Variants in GLG1 observed in about 807,000 individuals in gnomAD.
GLG1 encodes Golgi apparatus protein 1.
In GLG1, 38 loss-of-function variants were observed where a neutral mutation model predicts 160.5. The ratio of observed to expected loss-of-function variants is 0.24; its 90% confidence interval spans 0.18 to 0.31. The LOEUF (loss-of-function observed/expected upper bound fraction) is 0.31. Ranked by LOEUF, GLG1 falls within the 10% of genes least tolerant of loss-of-function variation. The pLI is 1.00. For missense variants in GLG1, 1,373 were observed against 1,505.2 expected, an observed-to-expected ratio of 0.91 and a Z score of 1.45; for synonymous variants, 644 against 543.4, an observed-to-expected ratio of 1.19 and a Z score of -2.57.
chr16:74,493,349 G>T (rs1268614106), intron 6 of GLG1, among the ~76,000 whole-genome samples: 16 of 152,234 alleles, frequency 1.1e-4, no homozygotes, highest in Non-Finnish European at 2.4e-4. Flanking sequence ...GGGGAACCTA[G>T]AAATTCTGTA....
intron 2 of GLG1, among the ~76,000 whole-genome samples, chr16:74,523,451 A>C (rs922058474): frequency 9.9e-5 from 15 of 152,228 alleles, no homozygotes; most frequent in African/African-American, 2.2e-4. Context: ...TTTCCACATA[A>C]ATTTTAAAAT....
Position 74,491,266 on chromosome 16 carries a change from G to A in GLG1, c.1235-51C>T, listed in dbSNP as rs777537515. ...TTACGAAGGGTGATGCTATGTATTA[G>A]CATCAGAAATCACCACCTATTAAAA... On this transcript the variant is annotated intron_variant, in intron 7 of 25. Transcript: ENST00000422840. The A allele has an allele frequency of 3.9e-6, 5 of 1,266,174 alleles. No homozygotes were observed. In the African/African-American group the frequency reaches 5.9e-5, roughly 15 times the overall value. The allele number at this position is 1,266,174 out of a possible 1,614,324, so 78.4% of individuals were successfully genotyped here. A position where few individuals can be genotyped will look rare whatever the true frequency, so the allele number is the denominator to read the frequency against.
Position 74,451,979 on chromosome 16 carries a change from G to A in GLG1, c.*1188C>T. 1 of 1,062,572 alleles carries A rather than the reference G, an allele frequency of 9.4e-7. No homozygotes were observed. The highest frequency in any genetic ancestry group is 1.5e-6 in the Non-Finnish European group (1 of 680,430). 65.8% of individuals were successfully genotyped at this position (1,062,572 alleles called of 1,614,324 possible). ...GAGCAAATCCTCCATCTTTTAATGT[G>A]ATAACTTTCCACACCCTCTCCACGT... On this transcript the variant is annotated 3_prime_UTR_variant, in exon 26 of 26. Transcript: ENST00000422840.
At chr16:74,542,716 GGGAAGGAAGGAAGGAAGGGA>G (rs1351669658) in intron 1 of GLG1, among the ~76,000 whole-genome samples, 499 of 29,786 alleles carry the variant, frequency 0.017, 53 homozygotes, top group African/African-American at 0.061. Context: ...AAGGGAAGAA[GGGAAGGAAGGAAGGAAGGGA>G]GGAAGGAAGG....
At chr16:74,468,594 T>C in intron 17 of GLG1, 1 of 222,956 alleles carries the variant, frequency 4.5e-6, no homozygotes, top group Admixed American at 4.9e-5. Context: ...TTTGAACTCC[T>C]GACCTCAAGC....
At chr16:74,544,245 T>A (rs1482988871) in intron 1 of GLG1, among the ~76,000 whole-genome samples, 1 of 152,248 alleles carries the variant, frequency 6.6e-6, no homozygotes, top group Non-Finnish European at 1.5e-5. Context: ...GAAAGAGATC[T>A]GGGAACAAAT....
chr16:74,514,986 G>A (rs2016934624), intron 2 of GLG1, among the ~76,000 whole-genome samples: 1 of 151,854 alleles, frequency 6.6e-6, no homozygotes, highest in Non-Finnish European at 1.5e-5. Context: ...AAAAAGCAGG[G>A]GTTGCAATCC....
chr16:74,515,325 C>A (rs1274118176), intron 2 of GLG1, among the ~76,000 whole-genome samples: 1 of 152,146 alleles, frequency 6.6e-6, no homozygotes, highest in African/African-American at 2.4e-5. Flanking sequence ...CTCTCCACCC[C>A]AAATCAACAG....
chr16:74,472,048 G>A (rs2015226343), intron 14 of GLG1, among the ~76,000 whole-genome samples: 1 of 152,078 alleles, frequency 6.6e-6, no homozygotes, highest in Non-Finnish European at 1.5e-5. Context: ...GGAACTACAG[G>A]TGTGTACCAC....
At chr16:74,501,744 T>C (rs1277133027) in intron 4 of GLG1, among the ~76,000 whole-genome samples, 1 of 152,232 alleles carries the variant, frequency 6.6e-6, no homozygotes, top group African/African-American at 2.4e-5. Context: ...GGTTTGGAAT[T>C]GGATATAATT....
intron 3 of GLG1, among the ~76,000 whole-genome samples, chr16:74,505,630 G>A (rs1377920166): frequency 6.6e-6 from 1 of 152,162 alleles, no homozygotes; most frequent in Non-Finnish European, 1.5e-5. Context: ...TGAGGCAGGT[G>A]GACTGCCGGA....
intron 10 of GLG1, among the ~76,000 whole-genome samples, chr16:74,481,140 TG>T (rs1174189655): frequency 6.6e-6 from 1 of 152,232 alleles, no homozygotes; most frequent in African/African-American, 2.4e-5. Context: ...TCCTATGTAA[TG>T]TATTAGATTC....
chr16:74,543,862 C>A (rs937306993), intron 1 of GLG1, among the ~76,000 whole-genome samples: 2 of 152,072 alleles, frequency 1.3e-5, no homozygotes, highest in Non-Finnish European at 2.9e-5. Flanking sequence ...ACCACACGAC[C>A]TGAACAAATT....
chr16:74,568,134 C>T (rs914062636), intron 1 of GLG1, among the ~76,000 whole-genome samples: 3 of 151,648 alleles, frequency 2.0e-5, no homozygotes, highest in African/African-American at 7.2e-5. Context: ...CACCTTGCCA[C>T]AACGTGGAGA....
At chr16:74,473,526 G>A (rs867886462) in intron 13 of GLG1, among the ~76,000 whole-genome samples, 3 of 139,278 alleles carry the variant, frequency 2.2e-5, no homozygotes, top group African/African-American at 5.4e-5. Flanking sequence ...TGGAAGCTCC[G>A]CCTCCCGGGT....
intron 12 of GLG1, among the ~76,000 whole-genome samples, chr16:74,475,185 C>A (rs893134844): frequency 2.1e-5 from 3 of 142,974 alleles, no homozygotes; most frequent in African/African-American, 7.8e-5. Flanking sequence ...AAAAAAAGAG[C>A]TGTGCAAATC....
At position 74,452,879 on chromosome 16, in the gene GLG1, G is replaced by A. The variant is rs564551296; in HGVS notation, c.*288C>T. 13 of 1,107,580 alleles carry A rather than the reference G, an allele frequency of 1.2e-5. No individual in the cohort carries two copies. Among genetic ancestry groups the A allele is most frequent in the East Asian group, 1.0e-4 (2 of 19,478 alleles). The allele number at this position is 1,107,580 out of a possible 1,614,324, so 68.6% of individuals were successfully genotyped here. A position where few individuals can be genotyped will look rare whatever the true frequency, so the allele number is the denominator to read the frequency against. ...CAGGTGAGTTGGTTCTGGAAGTACC[G>A]GAAGTTCTGTTGGTATGAGAGAGAC... is the stretch of plus-strand genomic sequence containing the variant. On this transcript the variant is annotated 3_prime_UTR_variant, in exon 26 of 26. Transcript: ENST00000422840.
rs2014202732 is a variant in GLG1, at chr16:74,449,518, A to G, written c.*3649T>C. 1 of 152,218 alleles carries G rather than the reference A, an allele frequency of 6.6e-6. No homozygotes were observed. Among genetic ancestry groups the G allele is most frequent in the African/African-American group, 2.4e-5 (1 of 41,462 alleles). The allele number at this position is 152,218 out of a possible 1,614,324, so 9.4% of individuals were successfully genotyped here. A position where few individuals can be genotyped will look rare whatever the true frequency, so the allele number is the denominator to read the frequency against. On this transcript the variant is annotated 3_prime_UTR_variant, in exon 26 of 26. Coordinates refer to ENST00000422840, the MANE Select transcript of GLG1 (RefSeq NM_001145667.2). ...ATTCTTCTGTTAGTTGATCTCAGGAAACAGAAACAAATGAAATCTGACAGT... is the reference window on the plus strand; with the variant it reads ...ATTCTTCTGTTAGTTGATCTCAGGAGACAGAAACAAATGAAATCTGACAGT...
intron 25 of GLG1, among the ~76,000 whole-genome samples, chr16:74,455,561 C>G (rs80297921): frequency 0.01 from 1,599 of 152,336 alleles, 26 homozygotes; most frequent in African/African-American, 0.037. Flanking sequence ...CTGTGACAGA[C>G]AGGAGCCCTC....
Sources: gnomAD v4.1 joint callset for allele counts (sites outside exome capture counted in the v4.1 genomes callset) on GRCh38, gnomAD v4.1.1 for gene constraint, MANE v1.5 for transcripts, NCBI Gene and HGNC (gene_info 2026-07-23, HGNC 2026-07-21) for gene names.